DGKH: variants seen among roughly 807,000 people sequenced by gnomAD.
DGKH encodes the protein DAG kinase eta.
In DGKH, 90 loss-of-function variants were observed where a neutral mutation model predicts 159.3. That is an observed-to-expected ratio of 0.57 (90% confidence interval 0.48 to 0.67). The LOEUF is 0.67. Ranked by LOEUF, DGKH falls within the 30% of genes least tolerant of loss-of-function variation. DGKH has a pLI of 0.00. For missense variants in DGKH, 1,181 were observed against 1,506.1 expected, an observed-to-expected ratio of 0.78 and a Z score of 3.57; for synonymous variants, 536 against 553.8, an observed-to-expected ratio of 0.97 and a Z score of 0.45.
intron 1 of DGKH, among the ~76,000 whole-genome samples, chr13:42,111,367 G>A (rs771724681): frequency 6.6e-5 from 10 of 152,154 alleles, no homozygotes; most frequent in Non-Finnish European, 1.3e-4. Flanking sequence ...ATCTCTTGAG[G>A]TCAGGAGTTC....
intron 25 of DGKH, among the ~76,000 whole-genome samples, chr13:42,214,881 T>A (rs895442947): frequency 2.0e-5 from 3 of 152,206 alleles, no homozygotes; most frequent in Admixed American, 2.0e-4. Flanking sequence ...TTTTTGAACT[T>A]TAATCGTCCT....
chr13:42,140,983 A>G (rs1171416036), intron 3 of DGKH: 9 of 132,520 alleles, frequency 6.8e-5, no homozygotes, highest in African/African-American at 2.5e-4. Flanking sequence ...CACAACGTGC[A>G]GATTAGTTAC....
chr13:42,221,870 G>T (rs939053479), intron 29 of DGKH, among the ~76,000 whole-genome samples: 44 of 152,314 alleles, frequency 2.9e-4, no homozygotes, highest in African/African-American at 1.1e-3. Context: ...ACAATTTGTT[G>T]TATTTCTAAG....
chr13:42,125,216 C>T (rs1955146837), intron 1 of DGKH, among the ~76,000 whole-genome samples: 1 of 152,214 alleles, frequency 6.6e-6, no homozygotes, highest in Non-Finnish European at 1.5e-5. Context: ...CCTACTCCAG[C>T]TGTTATTTGT....
At chr13:42,041,346 G>C (rs749544837) in intron 1 of DGKH, among the ~76,000 whole-genome samples, 14 of 152,062 alleles carry the variant, frequency 9.2e-5, no homozygotes, top group Non-Finnish European at 1.5e-4. Context: ...GCAGGTTCCC[G>C]GGGACACGCG....
At chr13:42,096,549 C>A (rs967353584) in intron 1 of DGKH, among the ~76,000 whole-genome samples, 1 of 152,128 alleles carries the variant, frequency 6.6e-6, no homozygotes, top group African/African-American at 2.4e-5. Flanking sequence ...TTTTGAGAGA[C>A]TTCAAATTTA....
At position 42,048,812 on chromosome 13, in the gene DGKH, C is replaced by A; in HGVS notation, c.39C>A (p.Ala13=). The A allele has an allele frequency of 1.5e-6, 2 of 1,328,816 alleles. No individual in the cohort carries two copies. Among genetic ancestry groups the A allele is most frequent in the Non-Finnish European group, 1.9e-6 (2 of 1,036,598 alleles). The allele number at this position is 1,328,816 out of a possible 1,614,324, so 82.3% of individuals were successfully genotyped here. The part of the protein sequence containing the change: ...GAGGQHHPPG[A]AGGAAAGAGA... ...GAGGCCAGCACCACCCTCCGGGCGC[C>A]GCTGGAGGAGCGGCCGCCGGAGCCG... is the stretch of plus-strand genomic sequence containing the variant. Residue 13 remains alanine, a synonymous_variant, in exon 1 of 30, where the codon GCC becomes GCA. Transcript: ENST00000337343. The surrounding 1 kb of genome is among the most constrained non-coding windows in gnomAD (Gnocchi z 6.7).
At chr13:42,253,319 C>G (rs948559029) in intron 30 of DGKH, among the ~76,000 whole-genome samples, 7 of 152,070 alleles carry the variant, frequency 4.6e-5, no homozygotes, top group Non-Finnish European at 1.0e-4. Context: ...ACCCTTCCAC[C>G]ATGTGCGGAC....
At chr13:42,084,729 G>C (rs566566550) in intron 1 of DGKH, among the ~76,000 whole-genome samples, 1 of 151,082 alleles carries the variant, frequency 6.6e-6, no homozygotes, top group Non-Finnish European at 1.5e-5. Context: ...CAGGCTAGTA[G>C]TATAAACGTG....
intron 1 of DGKH, among the ~76,000 whole-genome samples, chr13:42,091,313 T>C (rs1224046677): frequency 6.6e-6 from 1 of 152,116 alleles, no homozygotes; most frequent in East Asian, 1.9e-4. Context: ...AATAAATAAA[T>C]TGAACCACAT....
At chr13:42,156,448 C>T (rs1285151038) in intron 5 of DGKH, among the ~76,000 whole-genome samples, 1 of 151,860 alleles carries the variant, frequency 6.6e-6, no homozygotes, top group Non-Finnish European at 1.5e-5. Context: ...ACTATGTTGC[C>T]CAGGCTGGTC....
intron 3 of DGKH, among the ~76,000 whole-genome samples, chr13:42,130,829 GAGTTT>G (rs1250498745): frequency 6.6e-6 from 1 of 152,080 alleles, no homozygotes; most frequent in Non-Finnish European, 1.5e-5. Context: ...TCCCCAGGGA[GAGTTT>G]AGTTTGAGAA....
intron 1 of DGKH, among the ~76,000 whole-genome samples, chr13:42,088,352 G>A (rs1954349375): frequency 6.6e-6 from 1 of 152,064 alleles, no homozygotes; most frequent in African/African-American, 2.4e-5. Context: ...GAAATAATTA[G>A]AATATGGGTA....
chr13:42,076,385 C>T (rs946952571), intron 1 of DGKH, among the ~76,000 whole-genome samples: 3 of 152,078 alleles, frequency 2.0e-5, no homozygotes, highest in East Asian at 3.8e-4. Context: ...TTTTCTATTA[C>T]CTGTCATATT....
At chr13:42,097,531 C>T (rs1483711663) in intron 1 of DGKH, among the ~76,000 whole-genome samples, 1 of 152,148 alleles carries the variant, frequency 6.6e-6, no homozygotes, top group South Asian at 2.1e-4. Flanking sequence ...TAAGACTCAT[C>T]CAGTGGAAAG....
intron 14 of DGKH, among the ~76,000 whole-genome samples, chr13:42,187,403 G>C (rs1956957676): frequency 6.6e-6 from 1 of 152,074 alleles, no homozygotes; most frequent in Non-Finnish European, 1.5e-5. Flanking sequence ...TGGAGACAGA[G>C]TCTTGCTCTG....
At chr13:42,190,838 C>T (rs1957045430) in intron 16 of DGKH, among the ~76,000 whole-genome samples, 1 of 152,176 alleles carries the variant, frequency 6.6e-6, no homozygotes, top group African/African-American at 2.4e-5. Flanking sequence ...CCTAAATCAT[C>T]TGATTTGAAC....
chr13:42,087,000 G>A (rs766853292), intron 1 of DGKH, among the ~76,000 whole-genome samples: 5 of 151,368 alleles, frequency 3.3e-5, no homozygotes, highest in Admixed American at 6.6e-5. Flanking sequence ...TATTCTGTGC[G>A]TTAATGGGAG....
At chr13:42,189,659 T>C (rs1276066716) in intron 15 of DGKH, among the ~76,000 whole-genome samples, 18 of 152,174 alleles carry the variant, frequency 1.2e-4, no homozygotes, top group Non-Finnish European at 2.9e-5. Context: ...TAAACTACTT[T>C]GAAAATATAG....
Sources: allele counts gnomAD v4.1 joint callset (sites outside exome capture counted in the v4.1 genomes callset), GRCh38; gene constraint gnomAD v4.1.1; non-coding constraint Gnocchi (gnomAD v3.1); transcripts MANE v1.5; gene names NCBI Gene and HGNC (gene_info 2026-07-23, HGNC 2026-07-21).